Variants in NTM observed in about 807,000 individuals in gnomAD.
The protein encoded by NTM is neurotrimin.
In NTM, 13 loss-of-function variants were observed where a neutral mutation model predicts 42.1. The observed-to-expected ratio is 0.31, with a 90% CI of 0.20 to 0.49. The LOEUF (loss-of-function observed/expected upper bound fraction) is 0.49, where lower values mean the gene tolerates loss of function less well. Ranked by LOEUF, NTM falls within the 20% of genes least tolerant of loss-of-function variation. NTM has a pLI of 0.99. For synonymous variants in NTM, 187 were observed against 179.2 expected, an observed-to-expected ratio of 1.04 and a Z score of -0.35; for missense variants, 373 against 452.8, an observed-to-expected ratio of 0.82 and a Z score of 1.60.
rs116165194 is a variant in NTM, at chr11:131,612,666, A to G, written c.82+241778A>G. On this transcript the variant is annotated intron_variant, in intron 1 of 8. Coordinates refer to ENST00000683400, the MANE Select transcript of NTM (RefSeq NM_001352005.2). ...GAAGCACTTTACATTGTTACCTCAC[A>G]TGTTTATCGAATGCTGAACTACTGA... 4.8e-3 allele frequency among the ~76,000 whole-genome samples: 725 copies of G among 152,338 alleles called. 2 individuals carry two copies. The highest frequency in any genetic ancestry group is 0.017 in the African/African-American group (687 of 41,582).
chr11:131,917,247 C>T (rs972810891), intron 2 of NTM, among the ~76,000 whole-genome samples: 5 of 152,216 alleles, frequency 3.3e-5, no homozygotes, highest in African/African-American at 1.2e-4. Flanking sequence ...CCTGAGATCA[C>T]GTCTTCTTCT....
chr11:132,100,706 G>C (rs2061526480), intron 2 of NTM, among the ~76,000 whole-genome samples: 1 of 152,160 alleles, frequency 6.6e-6, no homozygotes. Flanking sequence ...TCCTAGCTAA[G>C]GGAATCCCTC....
intron 2 of NTM, among the ~76,000 whole-genome samples, chr11:132,004,611 C>G (rs1411680696): frequency 2.7e-5 from 3 of 112,284 alleles, no homozygotes; most frequent in Admixed American, 1.6e-4. Context: ...CTCTTTCTCT[C>G]TCTCTCTCTC....
chr11:131,831,895 C>G (rs1359368063), intron 1 of NTM, among the ~76,000 whole-genome samples: 1 of 148,904 alleles, frequency 6.7e-6, no homozygotes, highest in Non-Finnish European at 1.5e-5. Flanking sequence ...AAATTAATCC[C>G]AAAGTAATTA....
At chr11:131,530,733 G>A (rs188844336) in intron 1 of NTM, among the ~76,000 whole-genome samples, 1 of 152,104 alleles carries the variant, frequency 6.6e-6, no homozygotes, top group Non-Finnish European at 1.5e-5. Flanking sequence ...GAGGGCCAAC[G>A]ACCCCCTTAA....
chr11:132,205,030 G>A (rs1428533729), intron 3 of NTM, among the ~76,000 whole-genome samples: 1 of 152,212 alleles, frequency 6.6e-6, no homozygotes, highest in African/African-American at 2.4e-5. Context: ...AAGGTTAAGA[G>A]CACTCCAGAT....
At chr11:132,041,190 T>TGTGG (rs111807079) in intron 2 of NTM, among the ~76,000 whole-genome samples, 4,634 of 128,142 alleles carry the variant, frequency 0.036, 188 homozygotes, top group African/African-American at 0.12. Flanking sequence ...CCTTTTTGTT[T>TGTGG]GTGTGTGGGT....
chr11:132,272,433 T>G (rs1005211325), intron 4 of NTM, among the ~76,000 whole-genome samples: 1 of 152,174 alleles, frequency 6.6e-6, no homozygotes, highest in Admixed American at 6.5e-5. Context: ...GTTATTTTGA[T>G]AGCAATTATA....
rs1396909277 is a variant in NTM, at chr11:132,224,146, T to G, written c.526+11999T>G. On this transcript the variant is annotated intron_variant, in intron 4 of 8. Coordinates refer to ENST00000683400, the MANE Select transcript of NTM (RefSeq NM_001352005.2). ...AAAGGTCTCCACTTGAGGAGGATCCTCCACTACGAGGAGGATCATAGACCC... is the reference window on the plus strand; with the variant it reads ...AAAGGTCTCCACTTGAGGAGGATCCGCCACTACGAGGAGGATCATAGACCC... 2.6e-5 allele frequency among the ~76,000 whole-genome samples: 4 copies of G among 152,282 alleles called. 1 individual carries two copies. The highest frequency in any genetic ancestry group is 6.8e-3 in the Middle Eastern group (2 of 294).
At chr11:132,235,383 C>A (rs1358122133) in intron 4 of NTM, among the ~76,000 whole-genome samples, 2 of 152,026 alleles carry the variant, frequency 1.3e-5, no homozygotes, top group Non-Finnish European at 2.9e-5. Flanking sequence ...TGTGTCCAGT[C>A]ATCACGCATC....
chr11:131,766,333 G>A (rs2085092442), intron 1 of NTM, among the ~76,000 whole-genome samples: 1 of 152,192 alleles, frequency 6.6e-6, no homozygotes, highest in African/African-American at 2.4e-5. Flanking sequence ...CTGATGCTGG[G>A]TGTTCGGGGA....
At chr11:131,566,999 G>A (rs1031992123) in intron 1 of NTM, among the ~76,000 whole-genome samples, 2 of 152,052 alleles carry the variant, frequency 1.3e-5, no homozygotes, top group African/African-American at 4.8e-5. Context: ...TCTCTCAGCT[G>A]GAATTTGACC....
chr11:131,581,059 G>A (rs1185346659), intron 1 of NTM, among the ~76,000 whole-genome samples: 1 of 152,142 alleles, frequency 6.6e-6, no homozygotes, highest in Non-Finnish European at 1.5e-5. Context: ...TGGGGTATGG[G>A]GTTTGCCACA....
At chr11:132,184,151 C>T (rs896529440) in intron 3 of NTM, among the ~76,000 whole-genome samples, 6 of 152,114 alleles carry the variant, frequency 3.9e-5, no homozygotes, top group South Asian at 2.1e-4. Flanking sequence ...CGGGGGTGTC[C>T]GTAGATCTTC....
At chr11:131,770,393 T>C (rs2085873365) in intron 1 of NTM, among the ~76,000 whole-genome samples, 1 of 152,210 alleles carries the variant, frequency 6.6e-6, no homozygotes, top group Non-Finnish European at 1.5e-5. Flanking sequence ...ACTTTGTCTC[T>C]TCCTTCTATC....
intron 2 of NTM, among the ~76,000 whole-genome samples, chr11:131,968,511 G>T (rs1267323092): frequency 2.0e-5 from 3 of 152,138 alleles, no homozygotes; most frequent in Non-Finnish European, 4.4e-5. Context: ...AGGCTCAGGG[G>T]CTCACATCTG....
chr11:131,586,170 A>G (rs913675655), intron 1 of NTM, among the ~76,000 whole-genome samples: 1 of 152,012 alleles, frequency 6.6e-6, no homozygotes, highest in Non-Finnish European at 1.5e-5. Context: ...CAGTGGTGCA[A>G]TCACAGTTCA....
chr11:132,057,802 C>T (rs2079936600), intron 2 of NTM, among the ~76,000 whole-genome samples: 1 of 152,156 alleles, frequency 6.6e-6, no homozygotes, highest in African/African-American at 2.4e-5. Context: ...TCAAAATATC[C>T]TGCAGCTGGG....
At chr11:131,778,309 A>C (rs2087430704) in intron 1 of NTM, among the ~76,000 whole-genome samples, 1 of 152,226 alleles carries the variant, frequency 6.6e-6, no homozygotes, top group Non-Finnish European at 1.5e-5. Context: ...CCAAAAGATA[A>C]GCTTCCAGTC....
Sources: gnomAD v4.1 joint callset for allele counts (sites outside exome capture counted in the v4.1 genomes callset) on GRCh38, gnomAD v4.1.1 for gene constraint, MANE v1.5 for transcripts, NCBI Gene and HGNC (gene_info 2026-07-23, HGNC 2026-07-21) for gene names.